The following WDR76 variants were observed in gnomAD, a reference collection of about 807,000 sequenced individuals.
WDR76 encodes WD repeat-containing protein 76.
In WDR76, 52 loss-of-function variants were observed where a neutral mutation model predicts 70.2. That is an observed-to-expected ratio of 0.74 (90% CI 0.59 to 0.93). WDR76 has a LOEUF of 0.93. Ranked by LOEUF, WDR76 falls within the 40% of genes least tolerant of loss-of-function variation. WDR76 has a pLI of 0.00. For synonymous variants in WDR76, 292 were observed against 271.1 expected, an observed-to-expected ratio of 1.08 and a Z score of -0.76; for missense variants, 756 against 760.2, an observed-to-expected ratio of 0.99 and a Z score of 0.07.
rs748056103 is a variant in WDR76 at position 43,836,158 on chromosome 15, C to T, written c.553-3C>T. 2 of 1,603,438 alleles carry T rather than the reference C, an allele frequency of 1.2e-6. No homozygotes were observed. The highest frequency in any genetic ancestry group is 1.7e-6 in the Non-Finnish European group (2 of 1,175,844). ...ATTTTTACATGATTTTTATACTTTA[C>T]AGTCTGCTGCAAGACTCCGTGAAAT... On this transcript the variant is annotated splice_region_variant and splice_polypyrimidine_tract_variant and intron_variant, in intron 3 of 12. Coordinates refer to ENST00000263795, the MANE Select transcript of WDR76 (RefSeq NM_024908.4).
At chr15:43,843,329 G>GT (rs199788243) in intron 7 of WDR76, among the ~76,000 whole-genome samples, 126 of 151,708 alleles carry the variant, frequency 8.3e-4, no homozygotes, top group African/African-American at 2.7e-3. Context: ...CCTGCGTTAT[G>GT]TTTTTTTTCA....
intron 10 of WDR76, 80 bp downstream of exon 10, chr15:43,857,243 G>T: frequency 7.4e-7 from 1 of 1,352,854 alleles, no homozygotes; most frequent in East Asian, 2.4e-5. Flanking sequence ...CAAAGATATT[G>T]TAATACAATA....
chr15:43,834,057 T>C (rs1383857047), intron 2 of WDR76, among the ~76,000 whole-genome samples: 2 of 152,218 alleles, frequency 1.3e-5, no homozygotes, highest in Non-Finnish European at 2.9e-5. Flanking sequence ...TTCATGTGTT[T>C]ATCTTTTTGT....
At chr15:43,858,505 C>G in intron 10 of WDR76, 166 bp from the exon 11 acceptor site, 1 of 786,156 alleles carries the variant, frequency 1.3e-6, no homozygotes. Context: ...CTCCACCTCC[C>G]AAAGTGCTGG....
At position 43,856,932 on chromosome 15, in the gene WDR76, AC is replaced by A. The variant is rs763700154; in HGVS notation, c.1192-13del. ...AAGAGTGTGATATAAGCTGATTGTT[AC>A]TTATATTCTTAGGTGTATAGAAATG... On this transcript the variant is annotated splice_polypyrimidine_tract_variant and intron_variant, in intron 9 of 12. Transcript: ENST00000263795. 6.2e-7 allele frequency: 1 copy of A among 1,601,062 alleles called. No homozygotes were observed. Among genetic ancestry groups the A allele is most frequent in the South Asian group, 1.1e-5 (1 of 89,860 alleles).
At chr15:43,844,158 C>A (rs1017193169) in intron 8 of WDR76, 104 bp downstream of exon 8, 12 of 1,093,240 alleles carry the variant, frequency 1.1e-5, no homozygotes, top group African/African-American at 1.6e-5. Flanking sequence ...GTGAGACTTA[C>A]AATTTTGGGC....
chr15:43,840,710 G>A (rs2087713971), intron 5 of WDR76, among the ~76,000 whole-genome samples: 1 of 152,134 alleles, frequency 6.6e-6, no homozygotes, highest in African/African-American at 2.4e-5. Flanking sequence ...CAGGTGTAGT[G>A]GTTCATGCCT....
rs201304087 is a variant in WDR76, at chr15:43,832,743, G to GTTTTTTTTT, written c.463-2299_463-2291dup. ...TGAGCCATTGCACCCGGCTTGCTTTGTTTTTTTTTTTTTTTTTTTTTTTTT... is the reference window on the plus strand; with the variant it reads ...TGAGCCATTGCACCCGGCTTGCTTTGTTTTTTTTTTTTTTTTTTTTTTTTTTTTTTTTTT... On this transcript the variant is annotated intron_variant, in intron 2 of 12. Transcript: ENST00000263795. Among the ~76,000 whole-genome samples the GTTTTTTTTT allele has an allele frequency of 1.8e-3, 122 of 68,114 alleles. 25 individuals carry two copies. The highest frequency in any genetic ancestry group is 3.1e-3 in the East Asian group (6 of 1,912). The allele number at this position is 68,114 out of a possible 152,430, so 44.7% of individuals were successfully genotyped here.
At chr15:43,839,583 G>T in intron 4 of WDR76, 22 bp from the exon 5 acceptor site, 2 of 1,592,950 alleles carry the variant, frequency 1.3e-6, no homozygotes, top group Non-Finnish European at 1.7e-6. Context: ...AGTATAACAT[G>T]AGTTTTTCCC....
At chr15:43,857,351 CTT>C (rs1006984185) in intron 10 of WDR76, among the ~76,000 whole-genome samples, 188 bp downstream of exon 10, 5 of 151,868 alleles carry the variant, frequency 3.3e-5, no homozygotes, top group African/African-American at 1.2e-4. Context: ...ATGAAAAATT[CTT>C]TTAGATTTGA....
chr15:43,827,162 G>A lies in WDR76; in HGVS notation c.60+70G>A. ...TTTTGTGAGGGTTATGCGGGACACA[G>A]GCCCAGGAGGTCGAGGGCACCTGGC... On this transcript the variant is annotated intron_variant, in intron 1 of 12. Transcript: ENST00000263795. 6.9e-6 allele frequency: 11 copies of A among 1,603,220 alleles called. No individual in the cohort carries two copies. The South Asian group carries it at 9.9e-5, about 14-fold the overall frequency.
chr15:43,854,356 G>A (rs888120220), intron 9 of WDR76, among the ~76,000 whole-genome samples: 2 of 152,150 alleles, frequency 1.3e-5, no homozygotes, highest in African/African-American at 4.8e-5. Context: ...GATCACTAGA[G>A]CTCAGGAGTT....
Position 43,858,453 on chromosome 15 carries a change from T to G in WDR76, c.1410-218T>G, listed in dbSNP as rs557285061. The G allele has an allele frequency of 1.4e-4, 70 of 485,636 alleles. 1 individual carries two copies. In the South Asian group the frequency reaches 1.9e-3, roughly 13 times the overall value. 30.1% of individuals were successfully genotyped at this position (485,636 alleles called of 1,614,324 possible). A position where few individuals can be genotyped will look rare whatever the true frequency, so the allele number is the denominator to read the frequency against. On this transcript the variant is annotated intron_variant, in intron 10 of 12. Coordinates refer to ENST00000263795, the MANE Select transcript of WDR76 (RefSeq NM_024908.4). ...TAGTAGAGACGGGGTTTCTCCATGT[T>G]GAGGCTGGTTTCGAACTCCTGATCT...
intron 4 of WDR76, among the ~76,000 whole-genome samples, chr15:43,838,873 CT>C (rs925367117): frequency 6.6e-6 from 1 of 151,956 alleles, no homozygotes; most frequent in African/African-American, 2.4e-5. Flanking sequence ...ACTCAGGTGT[CT>C]TTTTTGAGGA....
chr15:43,854,977 A>G (rs561641832), intron 9 of WDR76, among the ~76,000 whole-genome samples: 3 of 150,988 alleles, frequency 2.0e-5, no homozygotes, highest in Admixed American at 6.6e-5. Context: ...GAAATTTTCC[A>G]TTTCCCTCAA....
intron 9 of WDR76, among the ~76,000 whole-genome samples, chr15:43,855,050 G>T (rs770848706): frequency 1.6e-4 from 25 of 152,006 alleles, no homozygotes; most frequent in Non-Finnish European, 2.6e-4. Flanking sequence ...GGCAACTACT[G>T]AAGTGATTAC....
intron 2 of WDR76, among the ~76,000 whole-genome samples, chr15:43,833,925 A>G (rs1231086355): frequency 6.6e-6 from 1 of 152,122 alleles, no homozygotes; most frequent in Non-Finnish European, 1.5e-5. Flanking sequence ...GTGAGCCACC[A>G]CACCCGGCCT....
chr15:43,836,345 A>G (rs2087656443), intron 4 of WDR76, 129 bp downstream of exon 4: 2 of 626,448 alleles, frequency 3.2e-6, no homozygotes, highest in African/African-American at 3.8e-5. Context: ...TCCCTCTAGG[A>G]TCTCTGAGGG....
At chr15:43,861,624 A>AT (rs1464496172) in intron 12 of WDR76, among the ~76,000 whole-genome samples, 1 of 152,050 alleles carries the variant, frequency 6.6e-6, no homozygotes, top group African/African-American at 2.4e-5. Context: ...GTGGGAGGTT[A>AT]TTTTTGGTTA....
Sources: allele counts gnomAD v4.1 joint callset (sites outside exome capture counted in the v4.1 genomes callset), GRCh38; gene constraint gnomAD v4.1.1; transcripts MANE v1.5; gene names NCBI Gene and HGNC (gene_info 2026-07-23, HGNC 2026-07-21).